The following CNDP1 variants were observed in gnomAD, a reference collection of about 807,000 sequenced individuals.
CNDP1 encodes the protein carnosine dipeptidase 1.
Under a neutral mutation model 58.1 loss-of-function variants are expected in CNDP1, and 44 were observed. The observed-to-expected ratio is 0.76, with a 90% CI of 0.60 to 0.97. The LOEUF (loss-of-function observed/expected upper bound fraction) is 0.97, where lower values mean the gene tolerates loss of function less well. Ranked by LOEUF, CNDP1 falls within the 50% of genes least tolerant of loss-of-function variation. The pLI is 0.00. For missense variants in CNDP1, 616 were observed against 655.1 expected (o/e 0.94, Z 0.65); for synonymous variants, 254 against 252.6 (o/e 1.01, Z -0.05).
At chr18:74,579,168 T>TCCC (rs1210420056) in intron 9 of CNDP1, among the ~76,000 whole-genome samples, 7 of 142,378 alleles carry the variant, frequency 4.9e-5, no homozygotes, top group African/African-American at 1.8e-4. Context: ...CCTCCCTCTC[T>TCCC]CCCTTCTCCC....
chr18:74,543,165 A>G (rs1980667639), intron 1 of CNDP1, among the ~76,000 whole-genome samples: 1 of 152,236 alleles, frequency 6.6e-6, no homozygotes, highest in African/African-American at 2.4e-5. Flanking sequence ...GAATGAGAAA[A>G]TACAAAACGT....
At chr18:74,580,622 C>G (rs915427038) in intron 10 of CNDP1, among the ~76,000 whole-genome samples, 3 of 152,162 alleles carry the variant, frequency 2.0e-5, no homozygotes, top group Non-Finnish European at 2.9e-5. Context: ...ACCCCCTCCC[C>G]CTGAATACAA....
At chr18:74,573,210 TATC>T (rs1332890628) in intron 7 of CNDP1, among the ~76,000 whole-genome samples, 4 of 151,970 alleles carry the variant, frequency 2.6e-5, no homozygotes, top group Non-Finnish European at 4.4e-5. Context: ...TCCATCTACC[TATC>T]ATCTATCCAT....
chr18:74,550,500 A>G (rs1383704367), intron 1 of CNDP1, among the ~76,000 whole-genome samples: 1 of 151,942 alleles, frequency 6.6e-6, no homozygotes, highest in Non-Finnish European at 1.5e-5. Flanking sequence ...TCATCTCCAG[A>G]TGAGATTTTG....
intron 1 of CNDP1, among the ~76,000 whole-genome samples, chr18:74,536,069 T>C (rs917578696): frequency 6.6e-6 from 1 of 152,230 alleles, no homozygotes; most frequent in African/African-American, 2.4e-5. Flanking sequence ...TTGGACTCAA[T>C]ATAATACCCT....
intron 8 of CNDP1, chr18:74,577,259 G>T: frequency 2.8e-6 from 1 of 353,718 alleles, no homozygotes; most frequent in Non-Finnish European, 5.1e-6. Flanking sequence ...TTAACCACAA[G>T]CAGTTACCCA....
At chr18:74,569,791 C>T (rs1981424368) in intron 6 of CNDP1, among the ~76,000 whole-genome samples, 1 of 152,152 alleles carries the variant, frequency 6.6e-6, no homozygotes, top group Admixed American at 6.5e-5. Flanking sequence ...AGCTACTCCA[C>T]AAGGCAGTCA....
At position 74,580,182 on chromosome 18, in the gene CNDP1, T is replaced by C; in HGVS notation, c.1220T>C (p.Met407Thr). ...TCCAAAAGAAATAGTTCCAACAAGA[T>C]GGTTGTTTCCATGACTCTAGGACTA... ...VFSKRNSSNK[M>T]VVSMTLGLHP... Residue 407 changes from methionine (M) to threonine (T), a missense_variant, in exon 10 of 12, where the codon ATG (methionine) becomes ACG (threonine). Coordinates refer to ENST00000358821, the MANE Select transcript of CNDP1 (RefSeq NM_032649.6). The C allele has an allele frequency of 6.2e-7, 1 of 1,614,076 alleles. No homozygotes were observed. The highest frequency in any genetic ancestry group is 8.5e-7 in the Non-Finnish European group (1 of 1,179,914).
chr18:74,573,374 C>A (rs1025479007), intron 7 of CNDP1, among the ~76,000 whole-genome samples: 2 of 135,472 alleles, frequency 1.5e-5, no homozygotes, highest in Non-Finnish European at 3.3e-5. Context: ...CATCTATCAT[C>A]TTTCTATCCA....
At chr18:74,535,580 C>CTTTTTTTTTTTT (rs10685765) in intron 1 of CNDP1, among the ~76,000 whole-genome samples, 5,686 of 106,122 alleles carry the variant, frequency 0.054, 623 homozygotes, top group African/African-American at 0.18. Flanking sequence ...CCATTGCTGA[C>CTTTTTTTTTTTT]TTTTTTTTTT....
intron 3 of CNDP1, 23 bp downstream of exon 3, chr18:74,559,495 T>C (rs1346630624): frequency 1.3e-6 from 2 of 1,585,786 alleles, no homozygotes; most frequent in Non-Finnish European, 1.7e-6. Context: ...TCCCTCCCAC[T>C]GAGGGAGGTG....
At chr18:74,561,155 T>C (rs1981186971) in intron 4 of CNDP1, 137 bp downstream of exon 4, 2 of 1,075,980 alleles carry the variant, frequency 1.9e-6, no homozygotes, top group Non-Finnish European at 1.3e-6. Context: ...TGGCTCACGC[T>C]TGTAATCCCA....
Position 74,534,696 on chromosome 18 carries a change from G to C in CNDP1, c.24+5G>C. On this transcript the variant is annotated splice_donor_5th_base_variant and intron_variant, in intron 1 of 11. Coordinates refer to ENST00000358821, the MANE Select transcript of CNDP1 (RefSeq NM_032649.6). ...GATCCCAAACTCGGGAGAATGGTGA[G>C]TAGGACCTCCTCCATCAGAGTCCGT... The C allele has an allele frequency of 6.2e-7, 1 of 1,614,094 alleles. No individual in the cohort carries two copies. Among genetic ancestry groups the C allele is most frequent in the Non-Finnish European group, 8.5e-7 (1 of 1,179,974 alleles).
chr18:74,574,288 C>T (rs2144572612), intron 7 of CNDP1, among the ~76,000 whole-genome samples: 1 of 152,350 alleles, frequency 6.6e-6, no homozygotes, highest in African/African-American at 2.4e-5. Context: ...CAAAGCAAAA[C>T]CAAGTTAGTT....
At chr18:74,580,105 T>C in intron 9 of CNDP1, 25 bp from the exon 10 acceptor site, 1 of 1,599,544 alleles carries the variant, frequency 6.3e-7, no homozygotes, top group Non-Finnish European at 8.6e-7. Flanking sequence ...CACTTTCTCT[T>C]ATCATTGAAA....
In CNDP1 at chr18:74,584,633, G is replaced by T; in HGVS notation, c.*71G>T. 8.5e-7 allele frequency: 1 copy of T among 1,181,858 alleles called. No homozygotes were observed. Among genetic ancestry groups the T allele is most frequent in the Non-Finnish European group, 1.3e-6 (1 of 787,364 alleles). The allele number at this position is 1,181,858 out of a possible 1,614,324, so 73.2% of individuals were successfully genotyped here. On this transcript the variant is annotated 3_prime_UTR_variant, in exon 12 of 12. Coordinates refer to ENST00000358821, the MANE Select transcript of CNDP1 (RefSeq NM_032649.6). Reference sequence around the variant, plus strand: ...TCCCCCACATCCCTAGACAGGGATGGAATGTAAATATCCAGAGAATTTGGG... The same window carrying T: ...TCCCCCACATCCCTAGACAGGGATGTAATGTAAATATCCAGAGAATTTGGG...
At position 74,545,837 on chromosome 18, in the gene CNDP1, T is replaced by G. The variant is rs8087768; in HGVS notation, c.25-10501T>G. ...GGCTCTGGTGTGGCCACAGCTACGA[T>G]ATCTCCAAAGGAGAATGTTCGCCTT... is the stretch of plus-strand genomic sequence containing the variant. On this transcript the variant is annotated intron_variant, in intron 1 of 11. Coordinates refer to ENST00000358821, the MANE Select transcript of CNDP1 (RefSeq NM_032649.6). This position sits in a 1 kb window ranked among gnomAD's most constrained non-coding sequence, Gnocchi z 4.1. Among the ~76,000 whole-genome samples, 57,765 of 152,002 alleles carry G rather than the reference T, an allele frequency of 0.38. 12,387 individuals are homozygous for G. The highest frequency in any genetic ancestry group is 0.59 in the African/African-American group (24,284 of 41,426).
intron 1 of CNDP1, among the ~76,000 whole-genome samples, chr18:74,539,011 C>G (rs374421079): frequency 1.1e-4 from 16 of 152,208 alleles, no homozygotes; most frequent in East Asian, 9.7e-4. Context: ...ATCTAGGGTT[C>G]AGCTTATTTC....
At chr18:74,556,694 C>A (rs1434178858) in intron 2 of CNDP1, among the ~76,000 whole-genome samples, 1 of 152,208 alleles carries the variant, frequency 6.6e-6, no homozygotes, top group East Asian at 1.9e-4. Flanking sequence ...ATATCCAGCA[C>A]ACTTGGTCCA....
Sources: gnomAD v4.1 joint callset for allele counts (sites outside exome capture counted in the v4.1 genomes callset) on GRCh38, gnomAD v4.1.1 for gene constraint, Gnocchi (gnomAD v3.1) non-coding constraint, MANE v1.5 for transcripts, NCBI Gene and HGNC (gene_info 2026-07-23, HGNC 2026-07-21) for gene names.